Variants in PDCL observed in about 807,000 individuals in gnomAD.
PDCL encodes the protein phosducin-like protein.
PDCL carries 11 observed loss-of-function variants against 26.7 expected under a neutral mutation model. The observed-to-expected ratio is 0.41, with a 90% CI of 0.26 to 0.68. The LOEUF (loss-of-function observed/expected upper bound fraction) is 0.68. Among genes scored for constraint, PDCL ranks in the 30% least tolerant of loss-of-function variants. The pLI is 0.30. For synonymous variants in PDCL, 118 were observed against 134.9 expected (o/e 0.87, Z 0.87); for missense variants, 330 against 371.6 (o/e 0.89, Z 0.92).
chr9:122,821,990 T>C (rs1003764222), intron 3 of PDCL, among the ~76,000 whole-genome samples: 1 of 152,126 alleles, frequency 6.6e-6, no homozygotes, highest in Non-Finnish European at 1.5e-5. Flanking sequence ...TTGCCAATTT[T>C]CCTCCCATCT....
intron 2 of PDCL, among the ~76,000 whole-genome samples, chr9:122,826,149 A>G (rs1829625544): frequency 6.6e-6 from 1 of 152,208 alleles, no homozygotes; most frequent in South Asian, 2.1e-4. Flanking sequence ...AAATAAACCT[A>G]CAATGAATTA....
Position 122,820,185 on chromosome 9 carries a change from T to C in PDCL, c.806A>G (p.Gln269Arg), listed in dbSNP as rs150508424. 1.9e-6 allele frequency: 3 copies of C among 1,614,040 alleles called. No homozygotes were observed. Among genetic ancestry groups the C allele is most frequent in the Admixed American group, 1.7e-5 (1 of 59,984 alleles). Residue 269 changes from glutamine to arginine, a missense_variant, in exon 4 of 4, where the codon CAG (glutamine) becomes CGG (arginine). By Grantham distance (43) the Gln-to-Arg change is conservative (BLOSUM62 1). Transcript: ENST00000259467. ...FFAVDLEAFL[Q>R]EFGLLPEKEV... ...CTTTTCTGGGAGTAATCCAAATTCC[T>C]GGAGAAAAGCTTCAAGGTCCACAGC...
At chr9:122,827,704 C>T (rs1829647173) in intron 1 of PDCL, among the ~76,000 whole-genome samples, 1 of 152,014 alleles carries the variant, frequency 6.6e-6, no homozygotes, top group Non-Finnish European at 1.5e-5. Context: ...TGCACTCCAG[C>T]CTGGGAGACA....
Position 122,819,992 on chromosome 9 carries a change from C to G in PDCL, c.*93G>C. The G allele has an allele frequency of 9.6e-7, 1 of 1,046,312 alleles. No individual in the cohort carries two copies. The highest frequency in any genetic ancestry group is 1.4e-6 in the Non-Finnish European group (1 of 714,828). The allele number at this position is 1,046,312 out of a possible 1,614,324, so 64.8% of individuals were successfully genotyped here. ...GCATAATAAAAGGGACTACAAAGAA[C>G]AGCTGAAAAGCCAGAAGACAAAGGA... is the stretch of plus-strand genomic sequence containing the variant. On this transcript the variant is annotated 3_prime_UTR_variant, in exon 4 of 4. Coordinates refer to ENST00000259467, the MANE Select transcript of PDCL (RefSeq NM_005388.5).
chr9:122,822,389 TAAAA>T (rs754227915), intron 3 of PDCL, among the ~76,000 whole-genome samples: 1 of 133,512 alleles, frequency 7.5e-6, no homozygotes. Flanking sequence ...CTGTCTCTAT[TAAAA>T]AAAAAAAAAA....
intron 1 of PDCL, among the ~76,000 whole-genome samples, chr9:122,828,118 G>A (rs1424792429): frequency 6.6e-6 from 1 of 152,112 alleles, no homozygotes; most frequent in South Asian, 2.1e-4. Flanking sequence ...CCAAACTTAA[G>A]GCCCAGGAAT....
chr9:122,821,634 G>A (rs1254436007), intron 3 of PDCL, among the ~76,000 whole-genome samples: 7 of 151,972 alleles, frequency 4.6e-5, no homozygotes, highest in Non-Finnish European at 1.0e-4. Context: ...CCCTAATTCT[G>A]CCAGACAGTT....
chr9:122,823,132 GCTC>G lies in PDCL; in HGVS notation c.235_237del (p.Glu79del). ...ATCAGCCTTTCCATCTCCCGGCACT[GCTC>G]CTCCCTCTGCTCTGTCTCCAACTGC... On this transcript the variant is annotated inframe_deletion, in exon 3 of 4. Transcript: ENST00000259467. 1.2e-6 allele frequency: 2 copies of G among 1,614,048 alleles called. No individual in the cohort carries two copies. The highest frequency in any genetic ancestry group is 2.7e-5 in the African/African-American group (2 of 74,972).
At chr9:122,822,069 T>C (rs1367613676) in intron 3 of PDCL, among the ~76,000 whole-genome samples, 1 of 152,180 alleles carries the variant, frequency 6.6e-6, no homozygotes, top group Non-Finnish European at 1.5e-5. Context: ...TTTGGCTAAG[T>C]GTAATGTCCT....
At position 122,823,188 on chromosome 9, in the gene PDCL, C is replaced by T; in HGVS notation, c.182G>A (p.Gly61Asp). 3.7e-6 allele frequency: 6 copies of T among 1,614,082 alleles called. No individual in the cohort carries two copies. The highest frequency in any genetic ancestry group is 3.4e-6 in the Non-Finnish European group (4 of 1,180,040). ...EGISVNTGPK[G>D]VINDWRRFKQ... is the part of the protein sequence containing the mutation. The stretch of plus-strand genomic sequence containing the variant: ...GAAGCGGCGCCAGTCATTGATCACA[C>T]CTTTTGGGCCTGAGTAGGGTGAACA... The change falls in exon 3 of 4, where the codon GGT becomes GAT. Residue 61 changes from glycine (G) to aspartate (D), a missense_variant. By Grantham distance (94) the Gly-to-Asp change is moderately conservative. Transcript: ENST00000259467.
At position 122,820,216 on chromosome 9, in the gene PDCL, A is replaced by G; in HGVS notation, c.775T>C (p.Phe259Leu). ...VRVTDQLGDD[F>L]FAVDLEAFLQ... is the part of the protein sequence containing the mutation. ...AAAGCTTCAAGGTCCACAGCAAAGA[A>G]ATCATCCCCCAGCTGGTCAGTAACA... The change falls in exon 4 of 4, where the codon TTC (phenylalanine) becomes CTC (leucine). Residue 259 changes from phenylalanine to leucine, a missense_variant. Coordinates refer to ENST00000259467, the MANE Select transcript of PDCL (RefSeq NM_005388.5). 2 of 1,614,172 alleles carry G rather than the reference A, an allele frequency of 1.2e-6. No homozygotes were observed. Among genetic ancestry groups the G allele is most frequent in the Non-Finnish European group, 8.5e-7 (1 of 1,180,020 alleles).
chr9:122,826,675 G>T lies in PDCL; in HGVS notation c.113C>A (p.Ala38Asp), dbSNP rs199656584. 4 of 1,614,180 alleles carry T rather than the reference G, an allele frequency of 2.5e-6. No homozygotes were observed. The East Asian group carries it at 8.9e-5, about 36-fold the overall frequency. Residue 38 changes from alanine (A) to aspartate (D), a missense_variant, in exon 2 of 4, where the codon GCC (alanine) becomes GAC (aspartate). Ala to Asp is a moderately radical substitution (Grantham distance 126). Coordinates refer to ENST00000259467, the MANE Select transcript of PDCL (RefSeq NM_005388.5). Reference sequence around the variant, plus strand: ...AGCCTCTGCAGGCACAGAACTGCTGGCTGGGGCACATCTGCCTCGGTCCTT... The same window carrying T: ...AGCCTCTGCAGGCACAGAACTGCTGTCTGGGGCACATCTGCCTCGGTCCTT... ...EDKDRGRCAP[A>D]SSSVPAEAEL...
chr9:122,821,256 C>T (rs916647012), intron 3 of PDCL, among the ~76,000 whole-genome samples: 1 of 152,160 alleles, frequency 6.6e-6, no homozygotes, highest in African/African-American at 2.4e-5. Flanking sequence ...CACATTTCCT[C>T]TCAATCCAAA....
At chr9:122,824,367 C>T (rs1037358084) in intron 2 of PDCL, among the ~76,000 whole-genome samples, 1 of 152,190 alleles carries the variant, frequency 6.6e-6, no homozygotes, top group African/African-American at 2.4e-5. Flanking sequence ...TTTCCAACAG[C>T]TCCTCTCTTG....
At position 122,823,126 on chromosome 9, in the gene PDCL, G is replaced by C. The variant is rs147643312; in HGVS notation, c.244C>G (p.Arg82Gly). Residue 82 changes from arginine to glycine, a missense_variant, in exon 3 of 4, where the codon CGG becomes GGG. Transcript: ENST00000259467. ...TTCTTGATCAGCCTTTCCATCTCCC[G>C]GCACTGCTCCTCCCTCTGCTCTGTC... ...LETEQREEQC[R>G]EMERLIKKLS... 5.6e-6 allele frequency: 9 copies of C among 1,614,000 alleles called. No homozygotes were observed. Among genetic ancestry groups the C allele is most frequent in the East Asian group, 2.2e-5 (1 of 44,880 alleles).
chr9:122,820,019 C>T lies in PDCL; in HGVS notation c.*66G>A. The T allele has an allele frequency of 7.3e-7, 1 of 1,360,612 alleles. No homozygotes were observed. The highest frequency in any genetic ancestry group is 1.0e-6 in the Non-Finnish European group (1 of 995,318). The allele number at this position is 1,360,612 out of a possible 1,614,324, so 84.3% of individuals were successfully genotyped here. A position where few individuals can be genotyped will look rare whatever the true frequency, so the allele number is the denominator to read the frequency against. ...GCTGAAAAGCCAGAAGACAAAGGAA[C>T]AAAAATAAACAATGACGTGTATTCC... On this transcript the variant is annotated 3_prime_UTR_variant, in exon 4 of 4. Transcript: ENST00000259467.
chr9:122,823,384 G>A, intron 2 of PDCL, among the ~76,000 whole-genome samples, 187 bp from the exon 3 acceptor site: 1 of 152,112 alleles, frequency 6.6e-6, no homozygotes, highest in East Asian at 1.9e-4. Flanking sequence ...CCTGCAACAA[G>A]GGCCAAGCTA....
rs1307988836 is a variant in PDCL at position 122,826,858 on chromosome 9, A to AG, written c.-5-67dup. On this transcript the variant is annotated intron_variant, in intron 1 of 3. Transcript: ENST00000259467. Reference sequence around the variant, plus strand: ...CCAGACAGACATGAATCTGAAGCATAGGGGGCTCGCCTGTGCTGAGATCCT... The same window carrying AG: ...CCAGACAGACATGAATCTGAAGCATAGGGGGGCTCGCCTGTGCTGAGATCCT... 7.4e-6 allele frequency: 11 copies of AG among 1,480,768 alleles called. No homozygotes were observed. In the East Asian group the frequency reaches 1.6e-4, roughly 21 times the overall value. 91.7% of individuals were successfully genotyped at this position (1,480,768 alleles called of 1,614,324 possible).
At position 122,820,592 on chromosome 9, in the gene PDCL, A is replaced by G. The variant is rs745656488; in HGVS notation, c.399T>C (p.Asp133=). The part of the protein sequence containing the change: ...EFAIMNEDQD[D]EEFLQQYRKQ... ...TCCGGTACTGCTGCAGAAACTCTTCATCATCTTGGTCCTCATTCATTATGG... is the reference window on the plus strand; with the variant it reads ...TCCGGTACTGCTGCAGAAACTCTTCGTCATCTTGGTCCTCATTCATTATGG... The change falls in exon 4 of 4, where the codon GAT becomes GAC. Residue 133 remains aspartate, a synonymous_variant. Transcript: ENST00000259467. The G allele has an allele frequency of 1.2e-6, 2 of 1,613,610 alleles. No individual in the cohort carries two copies. The highest frequency in any genetic ancestry group is 2.2e-5 in the South Asian group (2 of 91,052).
Sources: allele counts gnomAD v4.1 joint callset (sites outside exome capture counted in the v4.1 genomes callset), GRCh38; gene constraint gnomAD v4.1.1; transcripts MANE v1.5; gene names NCBI Gene and HGNC (gene_info 2026-07-23, HGNC 2026-07-21).